The following RASAL2 variants were observed in gnomAD, a reference collection of about 807,000 sequenced individuals.
RASAL2 encodes the protein RAS protein activator like 2.
A neutral mutation model predicts 128.9 loss-of-function variants in RASAL2; 58 were observed. The ratio of observed to expected loss-of-function variants is 0.45; its 90% CI spans 0.36 to 0.56. The LOEUF (loss-of-function observed/expected upper bound fraction) is 0.56, where lower values mean the gene tolerates loss of function less well. Among genes scored for constraint, RASAL2 ranks in the 20% least tolerant of loss-of-function variants. The pLI, the probability that RASAL2 is intolerant of heterozygous loss-of-function variation, is 0.00. For missense variants in RASAL2, 1,360 were observed against 1,601.6 expected (o/e 0.85, Z 2.57); for synonymous variants, 561 against 580.8 (o/e 0.97, Z 0.49).
intron 3 of RASAL2, among the ~76,000 whole-genome samples, chr1:178,313,316 A>G (rs1668348632): frequency 6.6e-6 from 1 of 152,222 alleles, no homozygotes; most frequent in Non-Finnish European, 1.5e-5. Flanking sequence ...GAGAAATTTT[A>G]AAGTATCAAC....
chr1:178,217,834 C>T (rs1355377959), intron 1 of RASAL2, among the ~76,000 whole-genome samples: 1 of 152,160 alleles, frequency 6.6e-6, no homozygotes, highest in South Asian at 2.1e-4. Flanking sequence ...ATGAAGTTGC[C>T]CCATTGATCA....
chr1:178,358,964 TAA>T (rs1226967021), intron 3 of RASAL2, among the ~76,000 whole-genome samples: 2 of 152,144 alleles, frequency 1.3e-5, no homozygotes, highest in Non-Finnish European at 2.9e-5. Context: ...TCAAACAATG[TAA>T]AAATTATACA....
chr1:178,141,728 G>A (rs1411210711), intron 1 of RASAL2, among the ~76,000 whole-genome samples: 2 of 152,140 alleles, frequency 1.3e-5, no homozygotes, highest in Non-Finnish European at 2.9e-5. Flanking sequence ...GGGATCCGCG[G>A]TAGATCTTAG....
At chr1:178,155,070 G>A (rs1661038152) in intron 1 of RASAL2, among the ~76,000 whole-genome samples, 1 of 152,064 alleles carries the variant, frequency 6.6e-6, no homozygotes, top group Non-Finnish European at 1.5e-5. Flanking sequence ...CGATCCACCC[G>A]CCTTGGCCTC....
chr1:178,109,491 A>G (rs1659218157), intron 1 of RASAL2, among the ~76,000 whole-genome samples: 1 of 152,134 alleles, frequency 6.6e-6, no homozygotes, highest in African/African-American at 2.4e-5. Flanking sequence ...GCCTGACTAT[A>G]CTTATGGTAC....
At chr1:178,365,122 T>C (rs1258636983) in intron 3 of RASAL2, among the ~76,000 whole-genome samples, 2 of 152,110 alleles carry the variant, frequency 1.3e-5, no homozygotes, top group Non-Finnish European at 2.9e-5. Flanking sequence ...GCAACTTCTA[T>C]GTATATATTA....
At chr1:178,418,655 C>T (rs1674936982) in intron 4 of RASAL2, among the ~76,000 whole-genome samples, 1 of 152,154 alleles carries the variant, frequency 6.6e-6, no homozygotes, top group African/African-American at 2.4e-5. Flanking sequence ...GCAATGCCTG[C>T]ATGTTTAAAA....
At chr1:178,134,238 A>C (rs532965697) in intron 1 of RASAL2, among the ~76,000 whole-genome samples, 1 of 152,152 alleles carries the variant, frequency 6.6e-6, no homozygotes, top group Non-Finnish European at 1.5e-5. Flanking sequence ...AGGAGACTTT[A>C]CTTCCTCTCT....
At chr1:178,277,806 A>G (rs758165379) in intron 1 of RASAL2, among the ~76,000 whole-genome samples, 5 of 152,196 alleles carry the variant, frequency 3.3e-5, no homozygotes, top group Non-Finnish European at 5.9e-5. Context: ...TGGCACTAAG[A>G]TAGATGAAAG....
intron 3 of RASAL2, among the ~76,000 whole-genome samples, chr1:178,331,020 A>G (rs562143776): frequency 3.6e-4 from 55 of 152,320 alleles, no homozygotes; most frequent in Admixed American, 7.8e-4. Context: ...TTTGCCAGCA[A>G]TTAATGAAAC....
intron 1 of RASAL2, among the ~76,000 whole-genome samples, chr1:178,214,352 A>T (rs1663355927): frequency 2.6e-5 from 4 of 152,218 alleles, no homozygotes; most frequent in Admixed American, 2.6e-4. Context: ...TGTGTCTTGT[A>T]GTAGTAGTTA....
At chr1:178,442,083 AG>A (rs1400000510) in intron 7 of RASAL2, among the ~76,000 whole-genome samples, 2 of 152,108 alleles carry the variant, frequency 1.3e-5, no homozygotes, top group African/African-American at 4.8e-5. Context: ...AGTATCAGGA[AG>A]ATGGCACCAA....
chr1:178,217,121 A>G lies in RASAL2; in HGVS notation c.203-66443A>G, dbSNP rs570168005. Among the ~76,000 whole-genome samples the G allele has an allele frequency of 2.6e-4, 39 of 152,120 alleles. No individual in the cohort carries two copies. In the South Asian group the frequency reaches 8.1e-3, roughly 32 times the overall value. On this transcript the variant is annotated intron_variant, in intron 1 of 17. Coordinates refer to ENST00000367649, the MANE Select transcript of RASAL2 (RefSeq NM_170692.4). ...CCACCGAGTAGCTGGGATTATAGGC[A>G]CGCACCACCACGCCTGGCTAATTTT...
At chr1:178,371,352 A>ACAC (rs1553222434) in intron 3 of RASAL2, among the ~76,000 whole-genome samples, 1 of 117,630 alleles carries the variant, frequency 8.5e-6, no homozygotes, top group African/African-American at 4.2e-5. Flanking sequence ...ACACACACAC[A>ACAC]AATACACACA....
At chr1:178,389,368 GTA>G (rs147854392) in intron 3 of RASAL2, 47 of 585,764 alleles carry the variant, frequency 8.0e-5, no homozygotes, top group East Asian at 2.9e-4. Context: ...ATATACACAT[GTA>G]TATATATATC....
chr1:178,465,929 G>T lies in RASAL2; in HGVS notation c.3397G>T (p.Glu1133Ter). The T allele has an allele frequency of 6.4e-7, 1 of 1,550,852 alleles. No individual in the cohort carries two copies. Among genetic ancestry groups the T allele is most frequent in the South Asian group, 1.2e-5 (1 of 83,690 alleles). ...GCCTCCTCTGCCCTAGTATGAACAA[G>T]AAATTACTAAACTGAAGGAGCGCCT... The part of the protein sequence containing the change: ...EAKHAEKYEQ[E>*]ITKLKERLRV... The change falls in exon 16 of 18, where the codon GAA becomes TAA. Residue 1133 changes from glutamate (E) to a stop codon, truncating the protein, a stop_gained. Transcript: ENST00000367649. LOFTEE classifies it high-confidence loss of function.
In RASAL2 at chr1:178,455,406, GAC is replaced by G. The variant is rs1205468303; in HGVS notation, c.2211+760_2211+761del. On this transcript the variant is annotated intron_variant, in intron 12 of 17. Coordinates refer to ENST00000367649, the MANE Select transcript of RASAL2 (RefSeq NM_170692.4). ...GTGGTATGTTAGAATAACTTCAAAA[GAC>G]AGTCATTTTTCTATGATAATGATCT... Among the ~76,000 whole-genome samples, 3 of 152,230 alleles carry G rather than the reference GAC, an allele frequency of 2.0e-5. No homozygotes were observed. The East Asian group carries it at 5.8e-4, about 29-fold the overall frequency.
intron 4 of RASAL2, among the ~76,000 whole-genome samples, chr1:178,399,567 C>G (rs1430479193): frequency 6.6e-6 from 1 of 152,106 alleles, no homozygotes; most frequent in Non-Finnish European, 1.5e-5. Flanking sequence ...TAGTCTGGGG[C>G]CCCTGGCACC....
In RASAL2 at chr1:178,454,471, G is replaced by A. The variant is rs1677623886; in HGVS notation, c.2034G>A (p.Met678Ile). 6.2e-7 allele frequency: 1 copy of A among 1,612,468 alleles called. No individual in the cohort carries two copies. The highest frequency in any genetic ancestry group is 8.5e-7 in the Non-Finnish European group (1 of 1,178,704). ...FAKFGNKEEYMAFMNDFLEHE... is the reference protein window; with the variant it reads ...FAKFGNKEEYIAFMNDFLEHE... ...GGTTTGGTAACAAAGAGGAATACAT[G>A]GCATTCATGAATGATTTTTTAGAAC... The change falls in exon 12 of 18, where the codon ATG becomes ATA. Residue 678 changes from methionine (M) to isoleucine (I), a missense_variant. Around this residue, in one of 3 missense-constraint regions of RASAL2, gnomAD observed 741 missense variants for 868.6 expected, o/e 0.85. Transcript: ENST00000367649.
Sources: allele counts gnomAD v4.1 joint callset (sites outside exome capture counted in the v4.1 genomes callset), GRCh38; gene constraint gnomAD v4.1.1; regional missense constraint gnomAD v4.1.1; transcripts MANE v1.5; gene names NCBI Gene and HGNC (gene_info 2026-07-23, HGNC 2026-07-21).